The following BUB1 variants were observed in gnomAD, a reference collection of about 807,000 sequenced individuals.
BUB1 encodes BUB1 mitotic checkpoint serine/threonine kinase.
BUB1 carries 84 observed loss-of-function variants against 135.2 expected under a neutral mutation model. That is an observed-to-expected ratio of 0.62 (90% CI 0.52 to 0.74). The LOEUF (loss-of-function observed/expected upper bound fraction) is 0.74. Among genes scored for constraint, BUB1 ranks in the 30% least tolerant of loss-of-function variants. BUB1 has a pLI of 0.00. For missense variants in BUB1, 1,162 were observed against 1,288.3 expected (o/e 0.90, Z 1.50); for synonymous variants, 403 against 434.4 (o/e 0.93, Z 0.90).
At chr2:110,666,514 T>A in intron 8 of BUB1, 100 bp from the exon 9 acceptor site, 1 of 899,322 alleles carries the variant, frequency 1.1e-6, no homozygotes, top group Non-Finnish European at 1.5e-6. Context: ...AGGGGGCCGA[T>A]TTTTTTATTA....
At chr2:110,638,773 C>T (rs1013821296) in intron 24 of BUB1, among the ~76,000 whole-genome samples, 6 of 152,196 alleles carry the variant, frequency 3.9e-5, no homozygotes, top group African/African-American at 1.4e-4. Context: ...TCTGTTCCTT[C>T]AATTTTGAGC....
At chr2:110,668,367 T>C (rs112663852) in intron 6 of BUB1, among the ~76,000 whole-genome samples, 26 of 152,318 alleles carry the variant, frequency 1.7e-4, no homozygotes, top group African/African-American at 5.3e-4. Context: ...GTCTGGAGCT[T>C]AGACAGGACA....
At chr2:110,658,879 G>A in intron 11 of BUB1, 137 bp from the exon 12 acceptor site, 6 of 1,084,360 alleles carry the variant, frequency 5.5e-6, no homozygotes, top group African/African-American at 1.6e-5. Context: ...CAGTATTATA[G>A]TGCTTTCATA....
Position 110,655,794 on chromosome 2 carries a change from C to T in BUB1, c.1821G>A (p.Ala607=), listed in dbSNP as rs772143908. The T allele has an allele frequency of 9.3e-6, 15 of 1,613,672 alleles. No individual in the cohort carries two copies. Among genetic ancestry groups the T allele is most frequent in the Admixed American group, 1.7e-5 (1 of 59,968 alleles). Residue 607 remains alanine, a synonymous_variant, in exon 16 of 25, where the codon GCG becomes GCA. Transcript: ENST00000302759. ...CTGGAAGCTTGTGGAATGGTGTAGA[C>T]GCAAGTTGTGCAGCAGATGTGAAGT... ...PGDFTSAAQL[A]STPFHKLPVE...
chr2:110,639,156 C>G (rs1175441362), intron 24 of BUB1, among the ~76,000 whole-genome samples: 1 of 151,992 alleles, frequency 6.6e-6, no homozygotes, highest in Non-Finnish European at 1.5e-5. Context: ...TTTGTTCACA[C>G]ATTGTGTTAG....
chr2:110,644,058 CAAAA>C (rs58393999), intron 19 of BUB1, among the ~76,000 whole-genome samples: 1 of 39,680 alleles, frequency 2.5e-5, no homozygotes, highest in Admixed American at 3.6e-4. Context: ...AACTGAAATG[CAAAA>C]AAAAAAAAAA....
chr2:110,643,815 A>AT lies in BUB1; in HGVS notation c.2348-1582dup, dbSNP rs543112757. Among the ~76,000 whole-genome samples, 8 of 150,570 alleles carry AT rather than the reference A, an allele frequency of 5.3e-5. No homozygotes were observed. In the South Asian group the frequency reaches 6.3e-4, roughly 12 times the overall value. On this transcript the variant is annotated intron_variant, in intron 19 of 24. Coordinates refer to ENST00000302759, the MANE Select transcript of BUB1 (RefSeq NM_004336.5). ...CTACCATGCCAGGCCCACACTAGAA[A>AT]TTTTTTTTTTAATTCTAATTGACAT...
At chr2:110,646,937 A>G (rs1689660322) in intron 19 of BUB1, among the ~76,000 whole-genome samples, 2 of 152,370 alleles carry the variant, frequency 1.3e-5, no homozygotes, top group East Asian at 1.9e-4. Flanking sequence ...GAGAATTGAG[A>G]TGAAATGAAC....
chr2:110,657,226 T>A, intron 14 of BUB1, 109 bp from the exon 15 acceptor site: 3 of 825,016 alleles, frequency 3.6e-6, no homozygotes, highest in Non-Finnish European at 5.5e-6. Context: ...TGAGTTAATC[T>A]TTATATAGAT....
At chr2:110,643,885 T>C (rs1366533222) in intron 19 of BUB1, among the ~76,000 whole-genome samples, 1 of 150,978 alleles carries the variant, frequency 6.6e-6, no homozygotes, top group East Asian at 1.9e-4. Context: ...CAAGAAGAAA[T>C]GGGTAATACA....
At chr2:110,676,654 G>A (rs1278784034) in intron 1 of BUB1, 1 of 152,154 alleles carries the variant, frequency 6.6e-6, no homozygotes, top group Admixed American at 6.5e-5. Flanking sequence ...AGAACTTTAT[G>A]TATTGGTAGA....
chr2:110,657,210 AT>A (rs911279869), intron 14 of BUB1, 93 bp from the exon 15 acceptor site: 9 of 1,020,096 alleles, frequency 8.8e-6, no homozygotes, highest in African/African-American at 6.6e-5. Context: ...TACTTATCCT[AT>A]TTAATGAGTT....
intron 20 of BUB1, 104 bp downstream of exon 20, chr2:110,642,015 A>C (rs1205347237): frequency 3.0e-6 from 3 of 999,906 alleles, no homozygotes; most frequent in Non-Finnish European, 4.4e-6. Context: ...CCAACTGTAG[A>C]TATAAATAAA....
chr2:110,674,061 G>C (rs774605882), intron 3 of BUB1, 25 bp downstream of exon 3: 9 of 1,461,024 alleles, frequency 6.2e-6, no homozygotes, highest in Admixed American at 3.9e-5. Context: ...TTATAGATTT[G>C]ATTATACATC....
At chr2:110,655,330 TACTC>T (rs1559168447) in intron 16 of BUB1, among the ~76,000 whole-genome samples, 1 of 152,200 alleles carries the variant, frequency 6.6e-6, no homozygotes, top group African/African-American at 2.4e-5. Context: ...AATTGGCTGT[TACTC>T]TTATTAAATT....
chr2:110,652,174 T>C (rs1689805662), intron 17 of BUB1, among the ~76,000 whole-genome samples: 1 of 152,156 alleles, frequency 6.6e-6, no homozygotes, highest in South Asian at 2.1e-4. Context: ...TTCAAATCAA[T>C]ACTCATAGTG....
rs1376361997 is a variant in BUB1 at position 110,649,394 on chromosome 2, A to G, written c.2204-17T>C. On this transcript the variant is annotated splice_polypyrimidine_tract_variant and intron_variant, in intron 18 of 24. Transcript: ENST00000302759. Reference sequence around the variant, plus strand: ...CAATGAAGTCTTAAAGGAATGAGAAAAAAAAAAAAAAAGGGAACATGAATT... The same window carrying G: ...CAATGAAGTCTTAAAGGAATGAGAAGAAAAAAAAAAAAGGGAACATGAATT... 2.7e-6 allele frequency: 4 copies of G among 1,465,350 alleles called. No individual in the cohort carries two copies. The highest frequency in any genetic ancestry group is 1.4e-5 in the South Asian group (1 of 73,450). 90.8% of individuals were successfully genotyped at this position (1,465,350 alleles called of 1,614,324 possible).
At chr2:110,638,222 C>A in intron 24 of BUB1, 63 bp from the exon 25 acceptor site, 1 of 1,332,646 alleles carries the variant, frequency 7.5e-7, no homozygotes, top group East Asian at 2.5e-5. Flanking sequence ...GATAACCCCA[C>A]CCCTGCATCT....
In BUB1 at chr2:110,677,876, G is replaced by A. The variant is rs1690635434; in HGVS notation, c.26+94C>T. 4 of 1,424,350 alleles carry A rather than the reference G, an allele frequency of 2.8e-6. No homozygotes were observed. In the South Asian group the frequency reaches 3.8e-5, roughly 13 times the overall value. The allele number at this position is 1,424,350 out of a possible 1,614,324, so 88.2% of individuals were successfully genotyped here. A position where few individuals can be genotyped will look rare whatever the true frequency, so the allele number is the denominator to read the frequency against. The stretch of plus-strand genomic sequence containing the variant: ...ATTCCAAACCCAGGAAGGGGGCGAA[G>A]GGGGCAAAAGAAGGCAGGTCTGGGG... On this transcript the variant is annotated intron_variant, in intron 1 of 24. Coordinates refer to ENST00000302759, the MANE Select transcript of BUB1 (RefSeq NM_004336.5).
Sources: gnomAD v4.1 joint callset for allele counts (sites outside exome capture counted in the v4.1 genomes callset) on GRCh38, gnomAD v4.1.1 for gene constraint, MANE v1.5 for transcripts, NCBI Gene and HGNC (gene_info 2026-07-23, HGNC 2026-07-21) for gene names.